The following DYNC2LI1 variants were observed in gnomAD, a reference collection of about 807,000 sequenced individuals.
The protein encoded by DYNC2LI1 is dynein cytoplasmic 2 light intermediate chain 1, also known as cytoplasmic dynein 2 light intermediate chain 1.
Under a neutral mutation model 51.9 loss-of-function variants are expected in DYNC2LI1, and 45 were observed. The ratio of observed to expected loss-of-function variants is 0.87; its 90% CI spans 0.68 to 1.11. The LOEUF (loss-of-function observed/expected upper bound fraction) is 1.11, where lower values mean the gene tolerates loss of function less well. Ranked by LOEUF, DYNC2LI1 falls within the 50% of genes most tolerant of loss-of-function variation. DYNC2LI1 has a pLI of 0.00. For missense variants in DYNC2LI1, 490 were observed against 417.4 expected (o/e 1.17, Z -1.51); for synonymous variants, 130 against 137.8 (o/e 0.94, Z 0.40).
the DYNC2LI1 span, chr2:43,822,944 G>A: frequency 1.2e-6 from 2 of 1,613,566 alleles, no homozygotes; most frequent in South Asian, 1.1e-5. Flanking sequence ...AACTGGGGAT[G>A]GAAGGCAGGT....
chr2:43,788,942 A>T (rs1039793917), intron 4 of DYNC2LI1, among the ~76,000 whole-genome samples: 1 of 152,058 alleles, frequency 6.6e-6, no homozygotes, highest in East Asian at 1.9e-4. Flanking sequence ...ACCCTAGATG[A>T]TCTTATTTCT....
Position 43,792,851 on chromosome 2 carries a change from A to G in DYNC2LI1, c.321-1606A>G, listed in dbSNP as rs80212484. The G allele has an allele frequency of 5.4e-6, 8 of 1,474,118 alleles. No homozygotes were observed. In the African/African-American group the frequency reaches 9.9e-5, roughly 18 times the overall value. 91.3% of individuals were successfully genotyped at this position (1,474,118 alleles called of 1,614,324 possible). On this transcript the variant is annotated intron_variant, in intron 5 of 12. Coordinates refer to ENST00000260605, the MANE Select transcript of DYNC2LI1 (RefSeq NM_016008.4). ...GGATTTCCCTCACTTCTAAGGCTAA[A>G]TAATGTTCCATTGTGTAAACAAATA...
chr2:43,815,598 C>T, the DYNC2LI1 span, among the ~76,000 whole-genome samples: 12 of 152,162 alleles, frequency 7.9e-5, no homozygotes, highest in East Asian at 1.9e-4. Context: ...GAAAAGGATA[C>T]GTGGGACTCT....
intron 2 of DYNC2LI1, among the ~76,000 whole-genome samples, chr2:43,782,508 T>C (rs1356700566): frequency 6.6e-6 from 1 of 151,436 alleles, no homozygotes; most frequent in African/African-American, 2.4e-5. Context: ...TGTCCTGCTG[T>C]TTCTCTTTTA....
At chr2:43,827,816 T>C in the DYNC2LI1 span, among the ~76,000 whole-genome samples, 1 of 152,212 alleles carries the variant, frequency 6.6e-6, no homozygotes, top group Non-Finnish European at 1.5e-5. Context: ...GGAAATGAAC[T>C]GTACAGCATT....
intron 3 of DYNC2LI1, among the ~76,000 whole-genome samples, chr2:43,784,444 CT>C (rs1020543253): frequency 1.3e-3 from 183 of 145,618 alleles, no homozygotes; most frequent in Admixed American, 1.2e-3. Flanking sequence ...TTCTTTCTTT[CT>C]TTTTTTTTTT....
At chr2:43,808,098 C>G (rs1572726180) in intron 12 of DYNC2LI1, among the ~76,000 whole-genome samples, 1 of 152,090 alleles carries the variant, frequency 6.6e-6, no homozygotes, top group African/African-American at 2.4e-5. Flanking sequence ...ACAAAGTTTG[C>G]AGTAAACAAT....
intron 3 of DYNC2LI1, among the ~76,000 whole-genome samples, chr2:43,786,243 G>C (rs1236350940): frequency 6.6e-6 from 1 of 152,136 alleles, no homozygotes; most frequent in Admixed American, 6.5e-5. Flanking sequence ...CTGTCACCCA[G>C]GCTGGAGTGC....
At chr2:43,821,889 C>T in the DYNC2LI1 span, among the ~76,000 whole-genome samples, 6 of 151,940 alleles carry the variant, frequency 3.9e-5, no homozygotes, top group East Asian at 1.9e-4. Flanking sequence ...CCTCTCTTCC[C>T]GCACCCCATC....
At chr2:43,804,870 T>C (rs1333289298) in intron 11 of DYNC2LI1, 131 bp downstream of exon 11, 7 of 597,280 alleles carry the variant, frequency 1.2e-5, no homozygotes, top group Admixed American at 3.7e-5. Context: ...AAACATTTGC[T>C]GAAAATGTAA....
Position 43,791,156 on chromosome 2 carries a change from G to A in DYNC2LI1, c.320+1435G>A, listed in dbSNP as rs144243040. ...GGATTGCGTGAGCCAGGGAGTTCAA[G>A]GCTGCAGTAAGCTATGATCATACCA... is the stretch of plus-strand genomic sequence containing the variant. On this transcript the variant is annotated intron_variant, in intron 5 of 12. Transcript: ENST00000260605. Among the ~76,000 whole-genome samples, 358 of 152,302 alleles carry A rather than the reference G, an allele frequency of 2.4e-3. 1 individual carries two copies. Among genetic ancestry groups the A allele is most frequent in the Middle Eastern group, 0.014 (4 of 294 alleles).
At position 43,796,813 on chromosome 2, in the gene DYNC2LI1, C is replaced by T. The variant is rs779900904; in HGVS notation, c.654+18C>T. The T allele has an allele frequency of 6.2e-7, 1 of 1,607,748 alleles. No homozygotes were observed. Among genetic ancestry groups the T allele is most frequent in the Non-Finnish European group, 8.5e-7 (1 of 1,175,198 alleles). On this transcript the variant is annotated intron_variant, in intron 8 of 12. Transcript: ENST00000260605. ...CATTAATGGTTTGTACATTTCTTGT[C>T]CTTTGGGCTTGAATGGACAGTACCA...
chr2:43,807,382 C>T (rs1326229436), intron 12 of DYNC2LI1, among the ~76,000 whole-genome samples: 2 of 152,114 alleles, frequency 1.3e-5, no homozygotes, highest in African/African-American at 2.4e-5. Context: ...AGAGCATTCC[C>T]GATTTTAAGG....
chr2:43,776,454 A>T (rs77529018), intron 1 of DYNC2LI1, among the ~76,000 whole-genome samples: 3,915 of 152,280 alleles, frequency 0.026, 114 homozygotes, highest in African/African-American at 0.077. Context: ...ACATTCCCAA[A>T]GTCATTGTAC....
chr2:43,820,386 C>T, the DYNC2LI1 span, among the ~76,000 whole-genome samples: 2 of 152,178 alleles, frequency 1.3e-5, no homozygotes, highest in African/African-American at 4.8e-5. Context: ...ATGGTCACAA[C>T]TAACCGCAGT....
At chr2:43,828,080 A>T in the DYNC2LI1 span, 1 of 1,614,102 alleles carries the variant, frequency 6.2e-7, no homozygotes, top group Non-Finnish European at 8.5e-7. Flanking sequence ...GGTCTGCCAC[A>T]TGGCTCAGAC....
chr2:43,794,934 C>G, intron 6 of DYNC2LI1: 1 of 1,310,094 alleles, frequency 7.6e-7, no homozygotes, highest in Non-Finnish European at 9.7e-7. Flanking sequence ...TTTATAATCT[C>G]TGTAAAAATG....
At chr2:43,821,740 T>A in the DYNC2LI1 span, among the ~76,000 whole-genome samples, 1 of 152,200 alleles carries the variant, frequency 6.6e-6, no homozygotes, top group African/African-American at 2.4e-5. Flanking sequence ...CCATGATGAC[T>A]GATATAAACC....
At chr2:43,779,371 C>G (rs987882041) in intron 2 of DYNC2LI1, among the ~76,000 whole-genome samples, 1 of 152,208 alleles carries the variant, frequency 6.6e-6, no homozygotes, top group African/African-American at 2.4e-5. Flanking sequence ...AGTAATCACC[C>G]TTTACCAAAG....
Sources: allele counts gnomAD v4.1 joint callset (sites outside exome capture counted in the v4.1 genomes callset), GRCh38; gene constraint gnomAD v4.1.1; transcripts MANE v1.5; gene names NCBI Gene and HGNC (gene_info 2026-07-23, HGNC 2026-07-21).